TET3: variants seen among roughly 807,000 people sequenced by gnomAD.
The protein encoded by TET3 is methylcytosine dioxygenase TET3.
Under a neutral mutation model 141.4 loss-of-function variants are expected in TET3, and 19 were observed. That is an observed-to-expected ratio of 0.13 (90% CI 0.09 to 0.20). TET3 has a LOEUF of 0.20. TET3 is among the 10% of genes least tolerant of loss of function. The pLI is 1.00. For missense variants in TET3, 1,874 were observed against 2,356.9 expected (o/e 0.80, Z 4.24); for synonymous variants, 1,043 against 980.9 (o/e 1.06, Z -1.18).
intron 2 of TET3, among the ~76,000 whole-genome samples, chr2:73,991,805 C>CAAAA (rs772400180): frequency 9.1e-4 from 72 of 79,498 alleles, no homozygotes; most frequent in African/African-American, 2.3e-3. Context: ...AACTCTGTCT[C>CAAAA]AAAAAAAAAA....
chr2:74,113,017 A>C (rs1195154634), downstream of TET3, among the ~76,000 whole-genome samples: 6 of 149,708 alleles, frequency 4.0e-5, no homozygotes, highest in Admixed American at 1.3e-4. Context: ...AAAAAAAAAA[A>C]AAAAAAAAAA....
At chr2:74,089,762 G>A (rs1690373769) in intron 7 of TET3, 135 bp from the exon 8 acceptor site, 2 of 1,180,852 alleles carry the variant, frequency 1.7e-6, no homozygotes, top group Non-Finnish European at 2.4e-6. Context: ...GGTTGGGGGT[G>A]GGGAAGGATG....
chr2:74,023,507 T>A (rs1686173229), intron 3 of TET3, among the ~76,000 whole-genome samples: 1 of 152,210 alleles, frequency 6.6e-6, no homozygotes, highest in Admixed American at 6.5e-5. Flanking sequence ...CCTCCCAAAG[T>A]GCTGAGATTA....
chr2:74,099,081 A>G (rs566871438), intron 10 of TET3, among the ~76,000 whole-genome samples, 195 bp from the exon 11 acceptor site: 14 of 152,148 alleles, frequency 9.2e-5, no homozygotes, highest in South Asian at 2.1e-4. Context: ...TGATGAGTGG[A>G]CTGTAAATGC....
chr2:74,015,559 C>T lies in TET3; in HGVS notation c.360+12393C>T, dbSNP rs528810641. Among the ~76,000 whole-genome samples, 65 of 152,260 alleles carry T rather than the reference C, an allele frequency of 4.3e-4. 2 individuals are homozygous for T. The highest frequency in any genetic ancestry group is 1.5e-3 in the African/African-American group (61 of 41,546). ...TTGAAGACACCTTTCCATGTCAGTA[C>T]ATCTGTCTTTGCCTTTTACATGACT... On this transcript the variant is annotated intron_variant, in intron 3 of 11. Transcript: ENST00000409262.
intron 4 of TET3, among the ~76,000 whole-genome samples, chr2:74,062,916 C>G (rs1371183744): frequency 1.4e-5 from 2 of 139,964 alleles, no homozygotes; most frequent in Non-Finnish European, 3.0e-5. Flanking sequence ...CAGAGTATCA[C>G]TCTGTCACCC....
intron 4 of TET3, among the ~76,000 whole-genome samples, chr2:74,063,152 G>A (rs1414342432): frequency 6.6e-6 from 1 of 151,352 alleles, no homozygotes; most frequent in Non-Finnish European, 1.5e-5. Context: ...CCAAAGTGTT[G>A]GGATTACAGG....
rs769908251 is a variant in TET3 at position 74,087,964 on chromosome 2, C to T, written c.2814C>T (p.Thr938=). ...GCATTCCCCGTAGCCTCGGAGACAC[C>T]CTCTACCAGGAGCTCACCGACACCC... is the stretch of plus-strand genomic sequence containing the variant. ...WEGIPRSLGD[T]LYQELTDTLR... Residue 938 remains threonine, a synonymous_variant, in exon 7 of 12, where the codon ACC becomes ACT. Transcript: ENST00000409262. This position sits in a 1 kb window ranked among gnomAD's most constrained non-coding sequence, Gnocchi z 4.3. The T allele has an allele frequency of 1.9e-6, 3 of 1,557,244 alleles. No individual in the cohort carries two copies. Among genetic ancestry groups the T allele is most frequent in the Non-Finnish European group, 2.6e-6 (3 of 1,150,442 alleles).
chr2:74,005,629 C>T (rs963473638), intron 3 of TET3, among the ~76,000 whole-genome samples: 1 of 152,092 alleles, frequency 6.6e-6, no homozygotes, highest in African/African-American at 2.4e-5. Flanking sequence ...ACACGGGACA[C>T]GGGGGTGTCA....
chr2:74,129,316 C>CAAAAAAAA, the TET3 span, among the ~76,000 whole-genome samples: 8 of 51,296 alleles, frequency 1.6e-4, no homozygotes, highest in Admixed American at 2.9e-4. Context: ...AACTCCGTCT[C>CAAAAAAAA]AAAAAAAAAA....
chr2:74,110,333 C>T (rs1691671579), downstream of TET3, among the ~76,000 whole-genome samples: 1 of 152,096 alleles, frequency 6.6e-6, no homozygotes. Flanking sequence ...TTTACCCAAC[C>T]CAGCTACACA....
At chr2:74,025,422 G>A (rs1686286037) in intron 3 of TET3, among the ~76,000 whole-genome samples, 1 of 150,968 alleles carries the variant, frequency 6.6e-6, no homozygotes, top group African/African-American at 2.4e-5. Flanking sequence ...CGAGTAGCTG[G>A]GACCACAGGC....
chr2:74,029,418 C>CG (rs1321023716), intron 3 of TET3, among the ~76,000 whole-genome samples: 3 of 152,126 alleles, frequency 2.0e-5, no homozygotes, highest in African/African-American at 7.2e-5. Flanking sequence ...ATTCAGCCTC[C>CG]GGGGCCCTGT....
At chr2:74,132,218 C>T in the TET3 span, among the ~76,000 whole-genome samples, 1 of 152,016 alleles carries the variant, frequency 6.6e-6, no homozygotes, top group South Asian at 2.1e-4. Context: ...TTTTATATGC[C>T]CCCTGGACCC....
rs1406909710 is a variant in TET3 at position 74,107,381 on chromosome 2, C to CTT, written c.*5209_*5210dup. 1 of 152,220 alleles carries CTT rather than the reference C, an allele frequency of 6.6e-6. No homozygotes were observed. The highest frequency in any genetic ancestry group is 2.4e-5 in the African/African-American group (1 of 41,450). 9.4% of individuals were successfully genotyped at this position (152,220 alleles called of 1,614,324 possible). A position where few individuals can be genotyped will look rare whatever the true frequency, so the allele number is the denominator to read the frequency against. On this transcript the variant is annotated 3_prime_UTR_variant, in exon 12 of 12. Coordinates refer to ENST00000409262, the MANE Select transcript of TET3 (RefSeq NM_001287491.2). ...GGCTTCTATTCTGATATCAGGGATGCTTTTTGTAGTGGTATTGTTTGCTCC... is the reference window on the plus strand; with the variant it reads ...GGCTTCTATTCTGATATCAGGGATGCTTTTTTTGTAGTGGTATTGTTTGCTCC...
At chr2:74,078,829 C>T (rs555753809) in intron 5 of TET3, among the ~76,000 whole-genome samples, 1 of 152,200 alleles carries the variant, frequency 6.6e-6, no homozygotes, top group Admixed American at 6.5e-5. Flanking sequence ...GTTAATTGCT[C>T]AAATAAAAAA....
intron 5 of TET3, among the ~76,000 whole-genome samples, chr2:74,078,256 G>T (rs1043221394): frequency 2.0e-5 from 3 of 151,944 alleles, no homozygotes; most frequent in African/African-American, 7.3e-5. Context: ...TGAAACAAAG[G>T]CTTTAAAAGT....
downstream of TET3, among the ~76,000 whole-genome samples, chr2:74,109,292 TAA>T (rs887731736): frequency 1.3e-5 from 2 of 152,144 alleles, no homozygotes; most frequent in Non-Finnish European, 2.9e-5. Context: ...CAGAAGTTCT[TAA>T]AAGTTATCTG....
intron 4 of TET3, among the ~76,000 whole-genome samples, chr2:74,066,117 C>G (rs1421851467): frequency 6.6e-6 from 1 of 152,154 alleles, no homozygotes; most frequent in Non-Finnish European, 1.5e-5. Context: ...GCTAGGGGTA[C>G]TTACAGCTAC....
Sources: gnomAD v4.1 joint callset for allele counts (sites outside exome capture counted in the v4.1 genomes callset) on GRCh38, gnomAD v4.1.1 for gene constraint, Gnocchi (gnomAD v3.1) non-coding constraint, MANE v1.5 for transcripts, NCBI Gene and HGNC (gene_info 2026-07-23, HGNC 2026-07-21) for gene names.